ISG20: variants seen among roughly 807,000 people sequenced by gnomAD.
ISG20 encodes interferon stimulated exonuclease gene 20, also known as interferon-stimulated gene 20 kDa protein.
ISG20 carries 8 observed loss-of-function variants against 11.1 expected under a neutral mutation model. The ratio of observed to expected loss-of-function variants is 0.72; its 90% CI spans 0.42 to 1.30. ISG20 has a LOEUF of 1.30. ISG20 is among the 50% of genes most tolerant of loss of function. ISG20 has a pLI of 0.01. For synonymous variants in ISG20, 110 were observed against 101.7 expected (o/e 1.08, Z -0.49); for missense variants, 243 against 250.2 (o/e 0.97, Z 0.19).
chr15:88,639,226 A>T lies in ISG20; in HGVS notation c.-24-117A>T. 1.6e-6 allele frequency: 1 copy of T among 641,556 alleles called. No homozygotes were observed. Among genetic ancestry groups the T allele is most frequent in the Non-Finnish European group, 2.7e-6 (1 of 371,812 alleles). 39.7% of individuals were successfully genotyped at this position (641,556 alleles called of 1,614,324 possible). A position where few individuals can be genotyped will look rare whatever the true frequency, so the allele number is the denominator to read the frequency against. The stretch of plus-strand genomic sequence containing the variant: ...CAAGAGGCCAGCTTCCACTGTGGCC[A>T]GGTGGTGTCGGAAACAAAGGGCAGG... On this transcript the variant is annotated intron_variant, in intron 1 of 3. Coordinates refer to ENST00000306072, the MANE Select transcript of ISG20 (RefSeq NM_002201.6). This position sits in a 1 kb window ranked among gnomAD's most constrained non-coding sequence, Gnocchi z 4.2.
In ISG20 at chr15:88,650,900, G is replaced by A. The variant is rs538472584; in HGVS notation, c.229-1210G>A. On this transcript the variant is annotated intron_variant, in intron 2 of 3. Transcript: ENST00000306072. This position sits in a 1 kb window ranked among gnomAD's most constrained non-coding sequence, Gnocchi z 4.0. ...CAATTCTCCTGCCTCAGCCTCCCGAGTAACTGGGAATAGCCACGGCGCATG... is the reference window on the plus strand; with the variant it reads ...CAATTCTCCTGCCTCAGCCTCCCGAATAACTGGGAATAGCCACGGCGCATG... The A allele has an allele frequency of 6.5e-6, 1 of 152,888 alleles. No homozygotes were observed. Among genetic ancestry groups the A allele is most frequent in the Admixed American group, 6.5e-5 (1 of 15,350 alleles). The allele number at this position is 152,888 out of a possible 1,614,324, so 9.5% of individuals were successfully genotyped here.
chr15:88,638,169 T>C (rs8025223), upstream of ISG20, among the ~76,000 whole-genome samples: 3,510 of 152,324 alleles, frequency 0.023, 74 homozygotes, highest in African/African-American at 0.053. Context: ...TGCACAGATC[T>C]GGGGTAGGAG....
chr15:88,636,845 T>C (rs1197119523), upstream of ISG20, among the ~76,000 whole-genome samples: 1 of 152,076 alleles, frequency 6.6e-6, no homozygotes, highest in Non-Finnish European at 1.5e-5. Context: ...CGGTTTTAAA[T>C]AGAGAGGTCA....
intron 2 of ISG20, among the ~76,000 whole-genome samples, chr15:88,646,268 T>G (rs1319260631): frequency 6.6e-6 from 1 of 152,172 alleles, no homozygotes; most frequent in African/African-American, 2.4e-5. Context: ...TCTGAGCACG[T>G]TTCATACTCC....
intron 3 of ISG20, among the ~76,000 whole-genome samples, chr15:88,654,259 A>C (rs974888499): frequency 6.6e-6 from 1 of 152,222 alleles, no homozygotes; most frequent in Non-Finnish European, 1.5e-5. Context: ...TGACAGGGGC[A>C]GGTATGCAGA....
At chr15:88,652,000 T>C in intron 2 of ISG20, 110 bp from the exon 3 acceptor site, 1 of 1,543,228 alleles carries the variant, frequency 6.5e-7, no homozygotes, top group Non-Finnish European at 8.7e-7. Context: ...GGACTGATAA[T>C]TTGCCCAAGG....
At chr15:88,646,041 G>A (rs527662555) in intron 2 of ISG20, among the ~76,000 whole-genome samples, 34 of 152,348 alleles carry the variant, frequency 2.2e-4, no homozygotes, top group African/African-American at 7.7e-4. Context: ...GGCCTTTGCT[G>A]TTGAGATGTG....
At chr15:88,645,186 G>C (rs2058151183) in intron 2 of ISG20, among the ~76,000 whole-genome samples, 1 of 152,094 alleles carries the variant, frequency 6.6e-6, no homozygotes, top group East Asian at 1.9e-4. Context: ...ATCACCTATA[G>C]GTTTGTACAA....
Position 88,650,304 on chromosome 15 carries a change from G to A in ISG20, c.229-1806G>A. On this transcript the variant is annotated intron_variant, in intron 2 of 3. Coordinates refer to ENST00000306072, the MANE Select transcript of ISG20 (RefSeq NM_002201.6). The surrounding 1 kb of genome is among the most constrained non-coding windows in gnomAD (Gnocchi z 4.0). ...TGACTGGCCTGTGTGACCAGAGCAG[G>A]GCAGGCTGTCCATGTGGGAGGCGAG... The A allele has an allele frequency of 6.5e-7, 1 of 1,535,706 alleles. No homozygotes were observed. The highest frequency in any genetic ancestry group is 8.7e-7 in the Non-Finnish European group (1 of 1,146,874).
At chr15:88,651,363 C>A in intron 2 of ISG20, 3 of 902,554 alleles carry the variant, frequency 3.3e-6, no homozygotes, top group South Asian at 5.1e-5. Context: ...TCTTCTCTTA[C>A]AGTTCTGTAG....
chr15:88,653,142 C>G (rs1282526144), intron 3 of ISG20, among the ~76,000 whole-genome samples: 1 of 152,132 alleles, frequency 6.6e-6, no homozygotes, highest in East Asian at 1.9e-4. Flanking sequence ...CTGCTCTAGG[C>G]CAGATCCTAG....
upstream of ISG20, among the ~76,000 whole-genome samples, chr15:88,636,691 A>C (rs1230918441): frequency 6.6e-6 from 1 of 152,068 alleles, no homozygotes; most frequent in Non-Finnish European, 1.5e-5. Context: ...GGTGTGATTC[A>C]CCACAATGGA....
chr15:88,652,152 C>A lies in ISG20; in HGVS notation c.271C>A (p.Leu91Met), dbSNP rs11543037. 6.2e-7 allele frequency: 1 copy of A among 1,613,970 alleles called. No individual in the cohort carries two copies. Among genetic ancestry groups the A allele is most frequent in the Non-Finnish European group, 8.5e-7 (1 of 1,180,014 alleles). ...AGGCAAGCTGGTGGTGGGTCATGAC[C>A]TGAAGCACGACTTCCAGGCACTGAA... Reference protein sequence around the residue: ...LKGKLVVGHDLKHDFQALKED... With the variant: ...LKGKLVVGHDMKHDFQALKED... The change falls in exon 3 of 4, where the codon CTG becomes ATG. Residue 91 changes from leucine (L) to methionine (M), a missense_variant. By Grantham distance (15) the Leu-to-Met change is conservative. Transcript: ENST00000306072.
intron 2 of ISG20, among the ~76,000 whole-genome samples, chr15:88,640,620 G>A (rs893522172): frequency 7.9e-5 from 12 of 152,144 alleles, no homozygotes; most frequent in African/African-American, 2.4e-4. Context: ...GGGTTATTGC[G>A]AGGATTGAGA....
intron 3 of ISG20, among the ~76,000 whole-genome samples, chr15:88,654,661 C>G (rs1033319339): frequency 6.6e-6 from 1 of 152,196 alleles, no homozygotes; most frequent in African/African-American, 2.4e-5. Flanking sequence ...CTCAGCTGCA[C>G]AACTGGCTGG....
intron 2 of ISG20, among the ~76,000 whole-genome samples, chr15:88,641,949 T>C: frequency 9.6e-6 from 1 of 104,492 alleles, no homozygotes; most frequent in Non-Finnish European, 2.0e-5. Flanking sequence ...TTTTTTTTTT[T>C]TTTTGAGACA....
upstream of ISG20, chr15:88,637,509 G>C (rs965640000): frequency 1.3e-5 from 2 of 152,226 alleles, no homozygotes; most frequent in Non-Finnish European, 2.9e-5. Flanking sequence ...AGCGACTCCT[G>C]CGGCCGCACA....
chr15:88,642,435 C>T (rs1005109942), intron 2 of ISG20, among the ~76,000 whole-genome samples: 4 of 152,198 alleles, frequency 2.6e-5, no homozygotes, highest in East Asian at 3.8e-4. Flanking sequence ...GAGTAACTTA[C>T]GCTGTTAAGA....
Position 88,650,537 on chromosome 15 carries a change from C to A in ISG20, c.229-1573C>A. The A allele has an allele frequency of 8.3e-7, 1 of 1,211,162 alleles. No homozygotes were observed. Among genetic ancestry groups the A allele is most frequent in the Non-Finnish European group, 1.1e-6 (1 of 911,408 alleles). The allele number at this position is 1,211,162 out of a possible 1,614,324, so 75.0% of individuals were successfully genotyped here. On this transcript the variant is annotated intron_variant, in intron 2 of 3. Coordinates refer to ENST00000306072, the MANE Select transcript of ISG20 (RefSeq NM_002201.6). The surrounding 1 kb of genome is among the most constrained non-coding windows in gnomAD (Gnocchi z 4.0). ...CTTGGCAAATCACACCAAAACTTAC[C>A]GGTTCAAACAATGTCAATACTTATT...
Sources: gnomAD v4.1 joint callset for allele counts (sites outside exome capture counted in the v4.1 genomes callset) on GRCh38, gnomAD v4.1.1 for gene constraint, Gnocchi (gnomAD v3.1) non-coding constraint, MANE v1.5 for transcripts, NCBI Gene and HGNC (gene_info 2026-07-23, HGNC 2026-07-21) for gene names.